CLCN5: variants seen among roughly 807,000 people sequenced by gnomAD.
The protein encoded by CLCN5 is Cl-/H+ antiporter 5.
CLCN5 carries 17 observed loss-of-function variants against 54.0 expected under a neutral mutation model. The ratio of observed to expected loss-of-function variants is 0.31; its 90% confidence interval spans 0.22 to 0.47. The LOEUF is 0.47. Ranked by LOEUF, CLCN5 falls within the 20% of genes least tolerant of loss-of-function variation. CLCN5 has a pLI of 1.00. For synonymous variants in CLCN5, 222 were observed against 233.0 expected (o/e 0.95, Z 0.43); for missense variants, 448 against 646.7 (o/e 0.69, Z 3.33).
chrX:50,080,194 G>A (rs1488576014), intron 7 of CLCN5, among the ~76,000 whole-genome samples: 2 of 111,579 alleles, frequency 1.8e-5, no homozygotes, highest in Non-Finnish European at 3.8e-5. Flanking sequence ...CTTCAGATGT[G>A]AAGCCAAGGT....
chrX:50,003,480 T>C (rs782559561), intron 3 of CLCN5: 1 of 382,562 alleles, frequency 2.6e-6, no homozygotes, highest in Non-Finnish European at 5.2e-6. Context: ...CCATATGTCG[T>C]GCCAAGAGAG....
chrX:49,963,919 AC>A (rs782105262), intron 3 of CLCN5, among the ~76,000 whole-genome samples: 6 of 112,203 alleles, frequency 5.3e-5, no homozygotes, highest in African/African-American at 1.9e-4. Flanking sequence ...AAGCTTGTTA[AC>A]CAGTTAGGTG....
chrX:50,047,545 A>C (rs1484417895), intron 4 of CLCN5, among the ~76,000 whole-genome samples: 2 of 111,028 alleles, frequency 1.8e-5, no homozygotes, highest in Non-Finnish European at 3.8e-5. Context: ...GATGTCCTCT[A>C]ATTTTTCCCC....
intron 3 of CLCN5, among the ~76,000 whole-genome samples, chrX:49,992,587 A>T (rs782553002): frequency 8.9e-6 from 1 of 111,882 alleles, no homozygotes; most frequent in South Asian, 3.8e-4. Flanking sequence ...AAAAATGCTT[A>T]CACTGCTAAA....
chrX:49,940,249 T>C (rs1926256305), intron 3 of CLCN5, among the ~76,000 whole-genome samples: 1 of 112,107 alleles, frequency 8.9e-6, no homozygotes, highest in African/African-American at 3.2e-5. Context: ...GTTTTGACAA[T>C]TAAATCATTT....
At chrX:49,950,714 A>G (rs1232009491) in intron 3 of CLCN5, among the ~76,000 whole-genome samples, 1 of 108,154 alleles carries the variant, frequency 9.2e-6, no homozygotes, top group East Asian at 2.8e-4. Flanking sequence ...TTTAATTCTT[A>G]GTTTTTGTGG....
chrX:50,035,152 A>G (rs1323954785), intron 3 of CLCN5, among the ~76,000 whole-genome samples: 1 of 110,973 alleles, frequency 9.0e-6, no homozygotes, highest in Admixed American at 9.6e-5. Context: ...CTAGCTAGCA[A>G]TCTCCCATTC....
chrX:50,088,197 T>G (rs781913739), intron 11 of CLCN5, among the ~76,000 whole-genome samples: 1 of 112,071 alleles, frequency 8.9e-6, no homozygotes, highest in African/African-American at 3.2e-5. Context: ...GGTGGGTTAC[T>G]TAACCTCTCT....
At chrX:50,014,030 C>A (rs1429173112) in intron 3 of CLCN5, among the ~76,000 whole-genome samples, 1 of 112,135 alleles carries the variant, frequency 8.9e-6, no homozygotes, top group Non-Finnish European at 1.9e-5. Context: ...TGTCATCCAA[C>A]TTCCTGTGAA....
rs782073061 is a variant in CLCN5, at chrX:50,050,887, C to A, written c.163+8425C>A. On this transcript the variant is annotated intron_variant, in intron 4 of 14. Coordinates refer to ENST00000376091, the MANE Select transcript of CLCN5 (RefSeq NM_001127898.4). Reference sequence around the variant, plus strand: ...CCATGTTAGCCAGGATGGTCTCCATCTCCTGACCTCGTGATCCGCCCACCT... The same window carrying A: ...CCATGTTAGCCAGGATGGTCTCCATATCCTGACCTCGTGATCCGCCCACCT... 5.2e-3 allele frequency among the ~76,000 whole-genome samples: 580 copies of A among 110,518 alleles called. 2 individuals are homozygous for A. The highest frequency in any genetic ancestry group is 9.5e-3 in the Non-Finnish European group (504 of 52,830).
intron 3 of CLCN5, among the ~76,000 whole-genome samples, chrX:50,028,472 C>T (rs1221321405): frequency 8.9e-6 from 1 of 111,847 alleles, no homozygotes; most frequent in Non-Finnish European, 1.9e-5. Flanking sequence ...CACTCAGCCT[C>T]CTCAGTTATA....
At chrX:50,028,377 G>A (rs1931527577) in intron 3 of CLCN5, among the ~76,000 whole-genome samples, 1 of 111,956 alleles carries the variant, frequency 8.9e-6, no homozygotes, top group Non-Finnish European at 1.9e-5. Context: ...GAATGTTTTA[G>A]GACTCCTGGA....
chrX:50,092,830 A>G lies in CLCN5; in HGVS notation c.*611A>G, dbSNP rs986723941. Reference sequence around the variant, plus strand: ...AATTTTAATTTCTGATTATAAGACAATGCTGCTTTGGTTAATCTCTTCTAA... The same window carrying G: ...AATTTTAATTTCTGATTATAAGACAGTGCTGCTTTGGTTAATCTCTTCTAA... On this transcript the variant is annotated 3_prime_UTR_variant, in exon 15 of 15. Coordinates refer to ENST00000376091, the MANE Select transcript of CLCN5 (RefSeq NM_001127898.4). 1 of 113,875 alleles carries G rather than the reference A, an allele frequency of 8.8e-6. No individual in the cohort carries two copies. The highest frequency in any genetic ancestry group is 1.9e-5 in the Non-Finnish European group (1 of 54,022). The allele number at this position is 113,875 out of a possible 1,213,427, so 9.4% of individuals were successfully genotyped here. A position where few individuals can be genotyped will look rare whatever the true frequency, so the allele number is the denominator to read the frequency against.
rs782089996 is a variant in CLCN5, at chrX:49,944,243, C to T, written c.16+18929C>T. 1.4e-4 allele frequency among the ~76,000 whole-genome samples: 15 copies of T among 110,858 alleles called. No individual in the cohort carries two copies. The South Asian group carries it at 5.0e-3, about 37-fold the overall frequency. On this transcript the variant is annotated intron_variant, in intron 3 of 14. Coordinates refer to ENST00000376091, the MANE Select transcript of CLCN5 (RefSeq NM_001127898.4). ...TGTATAAGAATGCTTGTGATTTTTG[C>T]ACATTGATTTTGTATCCTGAGACTT...
chrX:49,934,828 C>G (rs1224697537), intron 3 of CLCN5, among the ~76,000 whole-genome samples: 1 of 111,824 alleles, frequency 8.9e-6, no homozygotes, highest in African/African-American at 3.3e-5. Flanking sequence ...TCGTTGACAT[C>G]TTCTGGCCAA....
chrX:50,082,028 G>T (rs782494962), intron 9 of CLCN5, among the ~76,000 whole-genome samples, 181 bp downstream of exon 9: 89 of 111,710 alleles, frequency 8.0e-4, no homozygotes, highest in African/African-American at 2.7e-3. Context: ...GGTGTATAAG[G>T]ATAGTGCAGC....
chrX:50,065,814 A>G (rs1932988717), intron 4 of CLCN5, among the ~76,000 whole-genome samples: 3 of 102,417 alleles, frequency 2.9e-5, no homozygotes, highest in Admixed American at 2.2e-4. Context: ...CATATACACC[A>G]TGGAATACTA....
At chrX:49,955,819 G>A (rs1346661544) in intron 3 of CLCN5, among the ~76,000 whole-genome samples, 2 of 111,797 alleles carry the variant, frequency 1.8e-5, no homozygotes, top group Non-Finnish European at 3.8e-5. Flanking sequence ...GAACTGTAGT[G>A]AATTTTGCTA....
At chrX:49,938,880 C>T (rs1926161356) in intron 3 of CLCN5, among the ~76,000 whole-genome samples, 1 of 101,935 alleles carries the variant, frequency 9.8e-6, no homozygotes, top group Non-Finnish European at 2.0e-5. Context: ...AAAATTTTTG[C>T]AACCTACTCA....
Sources: allele counts gnomAD v4.1 joint callset (sites outside exome capture counted in the v4.1 genomes callset), GRCh38; gene constraint gnomAD v4.1.1; transcripts MANE v1.5; gene names NCBI Gene and HGNC (gene_info 2026-07-23, HGNC 2026-07-21).